Variants in KCND2 observed in about 807,000 individuals in gnomAD.
KCND2 encodes the protein potassium voltage-gated channel subfamily D member 2.
KCND2 carries 16 observed loss-of-function variants against 54.4 expected under a neutral mutation model. The observed-to-expected ratio is 0.29, with a 90% CI of 0.20 to 0.45. KCND2 has a LOEUF of 0.45. Ranked by LOEUF, KCND2 falls within the 20% of genes least tolerant of loss-of-function variation. The pLI, the probability that KCND2 is intolerant of heterozygous loss-of-function variation, is 1.00. For synonymous variants in KCND2, 317 were observed against 310.7 expected (o/e 1.02, Z -0.21); for missense variants, 486 against 824.2 (o/e 0.59, Z 5.02).
intron 1 of KCND2, among the ~76,000 whole-genome samples, chr7:120,449,468 A>G (rs1279633139): frequency 1.3e-5 from 2 of 152,198 alleles, no homozygotes; most frequent in African/African-American, 4.8e-5. Flanking sequence ...TTTTAGATCT[A>G]TGTAAGACAG....
chr7:120,379,178 AT>A (rs1800880101), intron 1 of KCND2, among the ~76,000 whole-genome samples: 1 of 152,054 alleles, frequency 6.6e-6, no homozygotes, highest in Non-Finnish European at 1.5e-5. Context: ...GTACCATGGA[AT>A]TTCCAAACTT....
At chr7:120,466,582 C>T (rs1445499084) in intron 1 of KCND2, among the ~76,000 whole-genome samples, 2 of 152,074 alleles carry the variant, frequency 1.3e-5, no homozygotes, top group African/African-American at 4.8e-5. Flanking sequence ...CTCTCTCTCT[C>T]TCATTAACAA....
At chr7:120,710,695 T>C (rs1161582732) in intron 1 of KCND2, among the ~76,000 whole-genome samples, 1 of 152,012 alleles carries the variant, frequency 6.6e-6, no homozygotes, top group South Asian at 2.1e-4. Context: ...ACTTAGATTG[T>C]ATAAAAAAAA....
rs528675631 is a variant in KCND2 at position 120,738,960 on chromosome 7, C to A, written c.1279-2574C>A. ...AATTGTAGTCGGGTCAAAGAAAAGC[C>A]ATGATTGAAATTTAGATGGGAAGTT... On this transcript the variant is annotated intron_variant, in intron 2 of 5. Coordinates refer to ENST00000331113, the MANE Select transcript of KCND2 (RefSeq NM_012281.3). Among the ~76,000 whole-genome samples, 3 of 152,078 alleles carry A rather than the reference C, an allele frequency of 2.0e-5. No homozygotes were observed. In the South Asian group the frequency reaches 6.2e-4, roughly 32 times the overall value.
intron 1 of KCND2, among the ~76,000 whole-genome samples, chr7:120,612,971 A>G (rs1792974694): frequency 6.6e-6 from 1 of 152,160 alleles, no homozygotes; most frequent in African/African-American, 2.4e-5. Flanking sequence ...TCCCAAATGA[A>G]CTGCTCATTA....
Position 120,406,590 on chromosome 7 carries a change from T to C in KCND2, c.1115+130843T>C, listed in dbSNP as rs115460240. On this transcript the variant is annotated intron_variant, in intron 1 of 5. Coordinates refer to ENST00000331113, the MANE Select transcript of KCND2 (RefSeq NM_012281.3). The stretch of plus-strand genomic sequence containing the variant: ...AAATATGTAACACAGCAATAGCTGA[T>C]TAATAGCAAAATTAATGGTGTAGGC... 8.6e-3 allele frequency among the ~76,000 whole-genome samples: 1,309 copies of C among 152,154 alleles called. 15 individuals are homozygous for C. The highest frequency in any genetic ancestry group is 0.03 in the African/African-American group (1,240 of 41,552).
intron 1 of KCND2, among the ~76,000 whole-genome samples, chr7:120,530,651 C>T (rs1243094886): frequency 6.6e-6 from 1 of 152,108 alleles, no homozygotes; most frequent in Non-Finnish European, 1.5e-5. Context: ...TTTCCCTATA[C>T]TAGGTCAACA....
At position 120,644,042 on chromosome 7, in the gene KCND2, G is replaced by A. The variant is rs117264053; in HGVS notation, c.1116-88861G>A. On this transcript the variant is annotated intron_variant, in intron 1 of 5. Transcript: ENST00000331113. ...AAAATGAACTTTGGTGAAAGTGTGT[G>A]TGTATGATATATTTAAAGCTTAGCT... Among the ~76,000 whole-genome samples the A allele has an allele frequency of 9.9e-3, 1,508 of 152,048 alleles. 8 individuals are homozygous for A. Among genetic ancestry groups the A allele is most frequent in the Non-Finnish European group, 0.015 (1,043 of 67,962 alleles).
chr7:120,277,505 A>G (rs1275110339), intron 1 of KCND2, among the ~76,000 whole-genome samples: 2 of 152,068 alleles, frequency 1.3e-5, no homozygotes, highest in Non-Finnish European at 1.5e-5. Flanking sequence ...TTAAAATGAA[A>G]TACACTTTAA....
chr7:120,707,797 G>A (rs1328047140), intron 1 of KCND2, among the ~76,000 whole-genome samples: 2 of 151,994 alleles, frequency 1.3e-5, no homozygotes, highest in African/African-American at 4.8e-5. Flanking sequence ...GGTGGTCAAG[G>A]AATGAAGACT....
At chr7:120,606,366 A>G (rs1792882568) in intron 1 of KCND2, among the ~76,000 whole-genome samples, 1 of 152,162 alleles carries the variant, frequency 6.6e-6, no homozygotes, top group South Asian at 2.1e-4. Flanking sequence ...TTGAAGGACA[A>G]TACTTTTAAT....
intron 1 of KCND2, among the ~76,000 whole-genome samples, chr7:120,604,630 T>C (rs564926954): frequency 6.6e-6 from 1 of 151,662 alleles, no homozygotes; most frequent in African/African-American, 2.4e-5. Flanking sequence ...GCAGTTAAAC[T>C]GGAAACAGGT....
At chr7:120,339,064 T>A (rs1034496911) in intron 1 of KCND2, among the ~76,000 whole-genome samples, 3 of 151,462 alleles carry the variant, frequency 2.0e-5, no homozygotes, top group Non-Finnish European at 2.9e-5. Flanking sequence ...TTTTTTTTTT[T>A]TTTGTATTTT....
At chr7:120,585,102 C>T (rs1025669843) in intron 1 of KCND2, among the ~76,000 whole-genome samples, 3 of 152,072 alleles carry the variant, frequency 2.0e-5, no homozygotes, top group Non-Finnish European at 4.4e-5. Flanking sequence ...TTAGGTGTGC[C>T]TCTCTTCTTG....
chr7:120,322,867 C>T (rs1034864444), intron 1 of KCND2, among the ~76,000 whole-genome samples: 1 of 151,194 alleles, frequency 6.6e-6, no homozygotes, highest in Non-Finnish European at 1.5e-5. Flanking sequence ...TTATCTAGTG[C>T]CATTAAATTG....
chr7:120,445,519 A>T (rs1381295973), intron 1 of KCND2, among the ~76,000 whole-genome samples: 10 of 152,134 alleles, frequency 6.6e-5, no homozygotes, highest in African/African-American at 1.9e-4. Flanking sequence ...TTCCTTATTG[A>T]GTAATTGTAA....
chr7:120,646,511 G>T (rs1793444147), intron 1 of KCND2, among the ~76,000 whole-genome samples: 1 of 151,846 alleles, frequency 6.6e-6, no homozygotes, highest in Non-Finnish European at 1.5e-5. Flanking sequence ...TCTTATATTT[G>T]CTTTGTATGC....
At chr7:120,300,423 T>A (rs1041314975) in intron 1 of KCND2, among the ~76,000 whole-genome samples, 4 of 152,110 alleles carry the variant, frequency 2.6e-5, no homozygotes, top group Non-Finnish European at 4.4e-5. Context: ...GATTGCTGTC[T>A]TGGCAGAAAA....
At chr7:120,467,273 C>T (rs1337797349) in intron 1 of KCND2, among the ~76,000 whole-genome samples, 1 of 152,040 alleles carries the variant, frequency 6.6e-6, no homozygotes, top group African/African-American at 2.4e-5. Context: ...TGAAAATAAG[C>T]CAAACCTTGG....
Sources: gnomAD v4.1 joint callset for allele counts (sites outside exome capture counted in the v4.1 genomes callset) on GRCh38, gnomAD v4.1.1 for gene constraint, MANE v1.5 for transcripts, NCBI Gene and HGNC (gene_info 2026-07-23, HGNC 2026-07-21) for gene names.